ELFN2: variants seen among roughly 807,000 people sequenced by gnomAD.
ELFN2 encodes extracellular leucine rich repeat and fibronectin type III domain containing 2, also known as protein phosphatase 1 regulatory subunit 29.
A neutral mutation model predicts 45.5 loss-of-function variants in ELFN2; 17 were observed. The observed-to-expected ratio is 0.37, with a 90% CI of 0.26 to 0.56. The LOEUF is 0.56. Ranked by LOEUF, ELFN2 falls within the 20% of genes least tolerant of loss-of-function variation. ELFN2 has a pLI of 0.77. For synonymous variants in ELFN2, 550 were observed against 551.5 expected (o/e 1.00, Z 0.04); for missense variants, 922 against 1,183.2 (o/e 0.78, Z 3.24).
intron 2 of ELFN2, among the ~76,000 whole-genome samples, chr22:37,377,872 G>A (rs555308879): frequency 5.8e-4 from 89 of 152,298 alleles, no homozygotes; most frequent in African/African-American, 2.1e-3. Flanking sequence ...CGTCCAGCAC[G>A]GCCACTGGCT....
chr22:37,341,967 C>A (rs1210589558), intron 2 of ELFN2, among the ~76,000 whole-genome samples: 1 of 152,146 alleles, frequency 6.6e-6, no homozygotes, highest in African/African-American at 2.4e-5. Flanking sequence ...AAGCCTGGCT[C>A]ACCCACTCAT....
intron 1 of ELFN2, among the ~76,000 whole-genome samples, chr22:37,349,728 T>A (rs568088453): frequency 6.6e-6 from 1 of 151,160 alleles, no homozygotes; most frequent in African/African-American, 2.4e-5. Context: ...CACCATCATC[T>A]TACACCTCCA....
At chr22:37,363,820 C>G (rs146804002), downstream of ELFN2, among the ~76,000 whole-genome samples, 5 of 152,160 alleles carry the variant, frequency 3.3e-5, no homozygotes, top group African/African-American at 1.2e-4. Context: ...ACGGCAGGGC[C>G]GAGAGCAGCC....
At chr22:37,349,733 C>T (rs535091436) in intron 1 of ELFN2, among the ~76,000 whole-genome samples, 1 of 151,330 alleles carries the variant, frequency 6.6e-6, no homozygotes, top group African/African-American at 2.4e-5. Flanking sequence ...TCATCTTACA[C>T]CTCCAGCCCA....
intron 1 of ELFN2, chr22:37,420,475 C>T (rs1029012901): frequency 6.5e-6 from 1 of 153,334 alleles, no homozygotes; most frequent in African/African-American, 2.4e-5. Context: ...CCTCTGGCCT[C>T]TGCTCACATG....
At chr22:37,403,565 G>A (rs1051818045) in intron 2 of ELFN2, among the ~76,000 whole-genome samples, 4 of 152,228 alleles carry the variant, frequency 2.6e-5, no homozygotes, top group African/African-American at 7.2e-5. Flanking sequence ...AGCAAAGGGA[G>A]AGAAGCGAGA....
intron 2 of ELFN2, among the ~76,000 whole-genome samples, chr22:37,398,501 C>T (rs1024805510): frequency 1.1e-4 from 17 of 152,060 alleles, no homozygotes; most frequent in Non-Finnish European, 2.2e-4. Flanking sequence ...CAGTAAAGCC[C>T]CCCAGCACAG....
At chr22:37,406,077 G>C (rs997389588) in intron 2 of ELFN2, among the ~76,000 whole-genome samples, 6 of 152,286 alleles carry the variant, frequency 3.9e-5, no homozygotes, top group African/African-American at 1.2e-4. Context: ...AGGAGGTTGA[G>C]GCTGCAATGA....
At chr22:37,348,603 C>T (rs1341746075) in intron 1 of ELFN2, among the ~76,000 whole-genome samples, 2 of 150,516 alleles carry the variant, frequency 1.3e-5, no homozygotes, top group African/African-American at 4.8e-5. Flanking sequence ...CGGGGCAGGG[C>T]TCCTGTCCCA....
intron 1 of ELFN2, among the ~76,000 whole-genome samples, chr22:37,358,781 C>T (rs1387091073): frequency 2.0e-5 from 3 of 152,154 alleles, no homozygotes; most frequent in African/African-American, 2.4e-5. Context: ...TGCTATCATC[C>T]CCCAAGTGAA....
chr22:37,380,415 C>T lies in ELFN2; in HGVS notation c.-462-4419G>A, dbSNP rs113045129. On this transcript the variant is annotated intron_variant, in intron 2 of 2. Transcript: ENST00000402918. Reference sequence around the variant, plus strand: ...ATCCCAGACATGACAGAGACACACACGCTCAGTCCAGGGCAGGAGGCCCCA... The same window carrying T: ...ATCCCAGACATGACAGAGACACACATGCTCAGTCCAGGGCAGGAGGCCCCA... 5.3e-3 allele frequency among the ~76,000 whole-genome samples: 800 copies of T among 152,290 alleles called. 10 individuals carry two copies. Among genetic ancestry groups the T allele is most frequent in the African/African-American group, 0.017 (700 of 41,564 alleles).
At chr22:37,405,664 G>A (rs542008543) in intron 2 of ELFN2, among the ~76,000 whole-genome samples, 6 of 152,182 alleles carry the variant, frequency 3.9e-5, no homozygotes, top group South Asian at 2.1e-4. Context: ...TGACCACCAC[G>A]TGATCGCAGG....
intron 1 of ELFN2, among the ~76,000 whole-genome samples, chr22:37,351,481 TG>T (rs1010341056): frequency 2.0e-5 from 3 of 150,028 alleles, no homozygotes; most frequent in African/African-American, 7.3e-5. Context: ...ACTCCTCCAG[TG>T]GGGGCACCCT....
At chr22:37,365,726 T>C (rs1207029769), downstream of ELFN2, among the ~76,000 whole-genome samples, 1 of 152,092 alleles carries the variant, frequency 6.6e-6, no homozygotes, top group Non-Finnish European at 1.5e-5. Flanking sequence ...ACCTGAAATA[T>C]CCAGTTCCTG....
At chr22:37,396,454 G>A (rs55784205) in intron 2 of ELFN2, among the ~76,000 whole-genome samples, 3,283 of 152,288 alleles carry the variant, frequency 0.022, 116 homozygotes, top group African/African-American at 0.074. Context: ...AGAGCTGCTT[G>A]GGTGCCAGGA....
chr22:37,414,647 G>T (rs796652516), intron 2 of ELFN2, among the ~76,000 whole-genome samples: 3 of 152,174 alleles, frequency 2.0e-5, no homozygotes, highest in African/African-American at 7.2e-5. Context: ...CTCCCATTTT[G>T]CAGGTGAGAA....
At chr22:37,365,918 C>T (rs1018996966), downstream of ELFN2, among the ~76,000 whole-genome samples, 1 of 128,298 alleles carries the variant, frequency 7.8e-6, no homozygotes, top group African/African-American at 2.9e-5. Context: ...GCACGTGTAG[C>T]GTTTCAGGTA....
At chr22:37,356,803 G>C (rs772975645) in intron 1 of ELFN2, among the ~76,000 whole-genome samples, 2 of 152,222 alleles carry the variant, frequency 1.3e-5, no homozygotes, top group Non-Finnish European at 2.9e-5. Context: ...TCCAGAGCAG[G>C]AGGGATGTGA....
At chr22:37,387,487 C>G (rs1237257855) in intron 2 of ELFN2, among the ~76,000 whole-genome samples, 1 of 152,068 alleles carries the variant, frequency 6.6e-6, no homozygotes, top group Non-Finnish European at 1.5e-5. Flanking sequence ...GCCTCCTCGT[C>G]CTCCTCAGGA....
Sources: gnomAD v4.1 joint callset for allele counts (sites outside exome capture counted in the v4.1 genomes callset) on GRCh38, gnomAD v4.1.1 for gene constraint, MANE v1.5 for transcripts, NCBI Gene and HGNC (gene_info 2026-07-23, HGNC 2026-07-21) for gene names.